Variants in SYT2 observed in about 807,000 individuals in gnomAD.
The protein encoded by SYT2 is synaptotagmin 2.
In SYT2, 15 loss-of-function variants were observed where a neutral mutation model predicts 39.9. The observed-to-expected ratio is 0.38, with a 90% confidence interval of 0.25 to 0.58. The LOEUF is 0.58. Ranked by LOEUF, SYT2 falls within the 20% of genes least tolerant of loss-of-function variation. SYT2 has a pLI of 0.70. For synonymous variants in SYT2, 181 were observed against 204.5 expected (o/e 0.89, Z 0.98); for missense variants, 389 against 530.3 (o/e 0.73, Z 2.62).
At chr1:202,645,190 C>G (rs1415854065) in intron 1 of SYT2, among the ~76,000 whole-genome samples, 1 of 152,086 alleles carries the variant, frequency 6.6e-6, no homozygotes, top group African/African-American at 2.4e-5. Context: ...AGATGCTCAG[C>G]AGGAGGGCAC....
In SYT2 at chr1:202,614,120, T is replaced by C. The variant is rs1374027058; in HGVS notation, c.-17-8331A>G. 2.0e-5 allele frequency among the ~76,000 whole-genome samples: 3 copies of C among 152,126 alleles called. No individual in the cohort carries two copies. The highest frequency in any genetic ancestry group is 7.2e-5 in the African/African-American group (3 of 41,420). On this transcript the variant is annotated intron_variant, in intron 1 of 8. Transcript: ENST00000367268. The surrounding 1 kb of genome is among the most constrained non-coding windows in gnomAD (Gnocchi z 4.0). ...GCAGGCCTTCTCTCCAGACTGACCG[T>C]CCAGAAATGGTCCTGTAGCAAAGTA...
At chr1:202,667,963 G>A (rs1224277152) in intron 1 of SYT2, among the ~76,000 whole-genome samples, 3 of 152,068 alleles carry the variant, frequency 2.0e-5, no homozygotes, top group Non-Finnish European at 4.4e-5. Context: ...TGCCCACCTC[G>A]GCCTCCCAAA....
intron 1 of SYT2, among the ~76,000 whole-genome samples, chr1:202,689,363 C>G (rs1653761916): frequency 6.6e-6 from 1 of 152,208 alleles, no homozygotes; most frequent in South Asian, 2.1e-4. Context: ...CCAGCCAGCT[C>G]TCTCAAGCAC....
intron 1 of SYT2, among the ~76,000 whole-genome samples, chr1:202,672,825 A>AAGATACCC (rs1304269239): frequency 7.2e-6 from 1 of 138,802 alleles, no homozygotes; most frequent in African/African-American, 2.7e-5. Context: ...AGAAAGGCAG[A>AAGATACCC]AGATACCCAG....
In SYT2 at chr1:202,595,802, G is replaced by A. The variant is rs1690263757; in HGVS notation, c.*955C>T. On this transcript the variant is annotated 3_prime_UTR_variant, in exon 9 of 9. Coordinates refer to ENST00000367268, the MANE Select transcript of SYT2 (RefSeq NM_177402.5). Reference sequence around the variant, plus strand: ...GTGAAGATCCAGGAGTTTAATTTTGGTCTTTCTGGTAATGGGACTTCTGTT... The same window carrying A: ...GTGAAGATCCAGGAGTTTAATTTTGATCTTTCTGGTAATGGGACTTCTGTT... The A allele has an allele frequency of 6.6e-6, 1 of 152,166 alleles. No individual in the cohort carries two copies. The highest frequency in any genetic ancestry group is 6.5e-5 in the Admixed American group (1 of 15,272). 9.4% of individuals were successfully genotyped at this position (152,166 alleles called of 1,614,324 possible). A position where few individuals can be genotyped will look rare whatever the true frequency, so the allele number is the denominator to read the frequency against.
intron 8 of SYT2, among the ~76,000 whole-genome samples, chr1:202,598,102 T>C (rs2149065008): frequency 6.6e-6 from 1 of 152,304 alleles, no homozygotes; most frequent in South Asian, 2.1e-4. Flanking sequence ...ATTACACACT[T>C]ATTTCCTCAT....
intron 1 of SYT2, among the ~76,000 whole-genome samples, chr1:202,700,755 C>T (rs4453099): frequency 0.24 from 35,886 of 152,048 alleles, 4,500 homozygotes; most frequent in Middle Eastern, 0.34. Flanking sequence ...GGTCTGTCTG[C>T]AATACATTAC....
At chr1:202,634,303 A>G (rs917173546) in intron 1 of SYT2, among the ~76,000 whole-genome samples, 1 of 152,188 alleles carries the variant, frequency 6.6e-6, no homozygotes, top group Non-Finnish European at 1.5e-5. Context: ...GGATCACCCG[A>G]TGTCAGGAGT....
intron 1 of SYT2, among the ~76,000 whole-genome samples, chr1:202,678,292 A>G (rs1653433207): frequency 6.6e-6 from 1 of 150,622 alleles, no homozygotes; most frequent in Non-Finnish European, 1.5e-5. Context: ...AAAAAAAAAA[A>G]AAAAAAAAAC....
chr1:202,698,399 C>A (rs755097708), intron 1 of SYT2, among the ~76,000 whole-genome samples: 3 of 152,136 alleles, frequency 2.0e-5, no homozygotes, highest in Non-Finnish European at 2.9e-5. Flanking sequence ...CATCTGACCT[C>A]GTCTGAAGGC....
At chr1:202,665,215 G>A (rs967375852) in intron 1 of SYT2, among the ~76,000 whole-genome samples, 1 of 152,200 alleles carries the variant, frequency 6.6e-6, no homozygotes, top group Non-Finnish European at 1.5e-5. Flanking sequence ...GGGCAACAAT[G>A]ACAACAACAG....
intron 1 of SYT2, among the ~76,000 whole-genome samples, chr1:202,658,105 T>C (rs1692312144): frequency 6.6e-6 from 1 of 152,068 alleles, no homozygotes; most frequent in African/African-American, 2.4e-5. Context: ...TCCTTATTAA[T>C]AAACTAAAAG....
chr1:202,698,723 T>C (rs985775606), intron 1 of SYT2, among the ~76,000 whole-genome samples: 1 of 151,970 alleles, frequency 6.6e-6, no homozygotes, highest in Non-Finnish European at 1.5e-5. Flanking sequence ...GAATAGGAAA[T>C]AGGCACTCAG....
chr1:202,668,259 C>G lies in SYT2; in HGVS notation c.-18+41999G>C, dbSNP rs150260316. Among the ~76,000 whole-genome samples, 258 of 152,338 alleles carry G rather than the reference C, an allele frequency of 1.7e-3. 1 individual carries two copies. The highest frequency in any genetic ancestry group is 4.2e-3 in the African/African-American group (173 of 41,574). On this transcript the variant is annotated intron_variant, in intron 1 of 8. Transcript: ENST00000367268. ...ACATCTGTTGGTACACTCAGACACA[C>G]TCAGATAAACTGGTTAAGACACATG...
intron 1 of SYT2, chr1:202,631,959 C>A: frequency 1.1e-6 from 1 of 895,244 alleles, no homozygotes; most frequent in Non-Finnish European, 1.3e-6. Context: ...ATTCGCCAGG[C>A]CCTGCTGGTT....
intron 1 of SYT2, among the ~76,000 whole-genome samples, chr1:202,660,429 C>T (rs1692355218): frequency 1.3e-5 from 2 of 152,174 alleles, no homozygotes; most frequent in South Asian, 4.1e-4. Flanking sequence ...ACTACCCCAG[C>T]AGGTGAGAAA....
At chr1:202,621,839 C>T (rs1475381350) in intron 1 of SYT2, among the ~76,000 whole-genome samples, 1 of 152,208 alleles carries the variant, frequency 6.6e-6, no homozygotes, top group East Asian at 1.9e-4. Flanking sequence ...TTGGTGTGCC[C>T]CCAAATGAGA....
At position 202,645,512 on chromosome 1, in the gene SYT2, C is replaced by T. The variant is rs567299855; in HGVS notation, c.-17-39723G>A. Reference sequence around the variant, plus strand: ...TTGACAGGGAAAGCTTATGCCTTCACGATTGGAATGTAGTGCTGCTTAGAT... The same window carrying T: ...TTGACAGGGAAAGCTTATGCCTTCATGATTGGAATGTAGTGCTGCTTAGAT... On this transcript the variant is annotated intron_variant, in intron 1 of 8. Coordinates refer to ENST00000367268, the MANE Select transcript of SYT2 (RefSeq NM_177402.5). Among the ~76,000 whole-genome samples the T allele has an allele frequency of 3.7e-3, 564 of 152,216 alleles. 1 individual carries two copies. The highest frequency in any genetic ancestry group is 6.0e-3 in the Non-Finnish European group (408 of 68,022).
At chr1:202,638,609 G>A (rs753293610) in intron 1 of SYT2, among the ~76,000 whole-genome samples, 1 of 152,248 alleles carries the variant, frequency 6.6e-6, no homozygotes, top group Non-Finnish European at 1.5e-5. Flanking sequence ...GATGGTGCCT[G>A]CAAATGCAGC....
Sources: allele counts gnomAD v4.1 joint callset (sites outside exome capture counted in the v4.1 genomes callset), GRCh38; gene constraint gnomAD v4.1.1; non-coding constraint Gnocchi (gnomAD v3.1); transcripts MANE v1.5; gene names NCBI Gene and HGNC (gene_info 2026-07-23, HGNC 2026-07-21).